The following CHST11 variants were observed in gnomAD, a reference collection of about 807,000 sequenced individuals.
The protein encoded by CHST11 is C4S-1.
Under a neutral mutation model 30.4 loss-of-function variants are expected in CHST11, and 9 were observed. That is an observed-to-expected ratio of 0.30 (90% CI 0.18 to 0.52). CHST11 has a LOEUF of 0.52. CHST11 is among the 20% of genes least tolerant of loss of function. CHST11 has a pLI of 0.97. For synonymous variants in CHST11, 152 were observed against 187.8 expected (o/e 0.81, Z 1.56); for missense variants, 348 against 460.6 (o/e 0.76, Z 2.24).
chr12:104,677,824 A>AG (rs1258655008), intron 2 of CHST11, among the ~76,000 whole-genome samples: 1 of 152,208 alleles, frequency 6.6e-6, no homozygotes, highest in African/African-American at 2.4e-5. Context: ...CTTGCCTTCC[A>AG]GCCCCACCTC....
chr12:104,481,306 G>A (rs1457996510), intron 1 of CHST11, among the ~76,000 whole-genome samples: 1 of 152,086 alleles, frequency 6.6e-6, no homozygotes, highest in Non-Finnish European at 1.5e-5. Context: ...CTCTTGCCAC[G>A]TCACGAATTT....
At chr12:104,569,583 T>C (rs915081367) in intron 1 of CHST11, among the ~76,000 whole-genome samples, 1 of 152,182 alleles carries the variant, frequency 6.6e-6, no homozygotes, top group Admixed American at 6.5e-5. Context: ...CCTATTGGAT[T>C]GATCAGCAGC....
intron 1 of CHST11, among the ~76,000 whole-genome samples, chr12:104,590,603 A>T (rs535084030): frequency 6.6e-6 from 1 of 152,336 alleles, no homozygotes; most frequent in Non-Finnish European, 1.5e-5. Context: ...AGATAAAAAG[A>T]CAGGAGAGAA....
Position 104,497,909 on chromosome 12 carries a change from C to CTTTTTTTT in CHST11, c.118+40398_118+40405dup, listed in dbSNP as rs1205174607. Among the ~76,000 whole-genome samples the CTTTTTTTT allele has an allele frequency of 1.5e-4, 11 of 75,680 alleles. 1 individual carries two copies. The highest frequency in any genetic ancestry group is 7.6e-4 in the Admixed American group (4 of 5,282). The allele number at this position is 75,680 out of a possible 152,430, so 49.6% of individuals were successfully genotyped here. ...TGTGCTGAGTATCTTCCTGCCCCCT[C>CTTTTTTTT]TTTTTTTTTTTTTTTTTTTTTTTTT... On this transcript the variant is annotated intron_variant, in intron 1 of 2. Transcript: ENST00000303694.
At chr12:104,550,075 T>C (rs12581832) in intron 1 of CHST11, among the ~76,000 whole-genome samples, 2,556 of 152,286 alleles carry the variant, frequency 0.017, 125 homozygotes, top group East Asian at 0.16. Flanking sequence ...CTGACCTCTT[T>C]GGGCTGTTGG....
intron 2 of CHST11, among the ~76,000 whole-genome samples, chr12:104,664,802 G>C (rs965632382): frequency 6.6e-6 from 1 of 152,172 alleles, no homozygotes; most frequent in Non-Finnish European, 1.5e-5. Context: ...TACACGAGCC[G>C]GTTATGAAAT....
At chr12:104,578,968 T>G (rs2038711837) in intron 1 of CHST11, among the ~76,000 whole-genome samples, 1 of 152,218 alleles carries the variant, frequency 6.6e-6, no homozygotes, top group Non-Finnish European at 1.5e-5. Flanking sequence ...GAGGGCCTAT[T>G]TTGGGCCTGG....
chr12:104,702,313 T>C (rs1456122140), intron 2 of CHST11, among the ~76,000 whole-genome samples: 1 of 152,272 alleles, frequency 6.6e-6, no homozygotes, highest in Non-Finnish European at 1.5e-5. Flanking sequence ...TGCTCTGTGC[T>C]ATTTCATTCA....
intron 2 of CHST11, among the ~76,000 whole-genome samples, chr12:104,653,670 A>G (rs965818790): frequency 7.2e-5 from 11 of 152,304 alleles, no homozygotes; most frequent in African/African-American, 2.4e-4. Context: ...TGATGTCTGT[A>G]TTTGTGTCTC....
At chr12:104,612,947 C>T (rs957066682) in intron 2 of CHST11, among the ~76,000 whole-genome samples, 14 of 152,180 alleles carry the variant, frequency 9.2e-5, no homozygotes, top group Non-Finnish European at 1.5e-4. Context: ...TCAGGCTGGG[C>T]GCGGTGGCTC....
intron 1 of CHST11, among the ~76,000 whole-genome samples, chr12:104,482,188 A>G (rs1437324163): frequency 6.9e-6 from 1 of 145,204 alleles, no homozygotes. Flanking sequence ...TTTTTTTCCT[A>G]TTCCTCACTA....
At chr12:104,511,640 G>C (rs970336549) in intron 1 of CHST11, among the ~76,000 whole-genome samples, 2 of 152,180 alleles carry the variant, frequency 1.3e-5, no homozygotes, top group Non-Finnish European at 2.9e-5. Flanking sequence ...TGGTTGGTGA[G>C]TTTTCTGGTC....
At chr12:104,666,469 A>G (rs1755732635) in intron 2 of CHST11, among the ~76,000 whole-genome samples, 1 of 152,194 alleles carries the variant, frequency 6.6e-6, no homozygotes, top group Admixed American at 6.5e-5. Flanking sequence ...TTTTATTAAG[A>G]TAGGACTATC....
intron 2 of CHST11, among the ~76,000 whole-genome samples, chr12:104,652,121 G>A (rs369506963): frequency 1.4e-4 from 21 of 152,234 alleles, no homozygotes; most frequent in African/African-American, 4.3e-4. Flanking sequence ...TCCATGCCAC[G>A]TTCCATCCTT....
At chr12:104,549,685 T>TTCAA in intron 1 of CHST11, among the ~76,000 whole-genome samples, 1 of 152,160 alleles carries the variant, frequency 6.6e-6, no homozygotes, top group African/African-American at 2.4e-5. Flanking sequence ...GCAGGAGGAT[T>TTCAA]GCTTGAGCCC....
At chr12:104,601,063 CCCT>C (rs1475778135) in intron 1 of CHST11, among the ~76,000 whole-genome samples, 4 of 151,028 alleles carry the variant, frequency 2.6e-5, no homozygotes, top group Non-Finnish European at 3.0e-5. Flanking sequence ...CTCTTTCCTT[CCCT>C]CCTACCTTCC....
At chr12:104,484,213 A>AAGAC (rs372269906) in intron 1 of CHST11, among the ~76,000 whole-genome samples, 13 of 152,242 alleles carry the variant, frequency 8.5e-5, no homozygotes, top group African/African-American at 3.1e-4. Context: ...CAAGGAGGGA[A>AAGAC]AGACTGGGCT....
At chr12:104,713,833 G>A (rs542825011) in intron 2 of CHST11, among the ~76,000 whole-genome samples, 62 of 152,344 alleles carry the variant, frequency 4.1e-4, no homozygotes, top group Non-Finnish European at 1.5e-5. Context: ...GATGAGCAGA[G>A]GCTGCCTGAA....
chr12:104,627,014 C>T (rs7133483), intron 2 of CHST11, among the ~76,000 whole-genome samples: 1 of 152,134 alleles, frequency 6.6e-6, no homozygotes, highest in African/African-American at 2.4e-5. Flanking sequence ...CTCCCTCCCC[C>T]CAAGCACTGG....
Sources: allele counts gnomAD v4.1 joint callset (sites outside exome capture counted in the v4.1 genomes callset), GRCh38; gene constraint gnomAD v4.1.1; transcripts MANE v1.5; gene names NCBI Gene and HGNC (gene_info 2026-07-23, HGNC 2026-07-21).